The following MACROD2 variants were observed in gnomAD, a reference collection of about 807,000 sequenced individuals.
The protein encoded by MACROD2 is ADP-ribose glycohydrolase MACROD2.
Under a neutral mutation model 70.4 loss-of-function variants are expected in MACROD2, and 36 were observed. The observed-to-expected ratio is 0.51, with a 90% CI of 0.39 to 0.68. The LOEUF (loss-of-function observed/expected upper bound fraction) is 0.68. MACROD2 is among the 30% of genes least tolerant of loss of function. The pLI is 0.00. For missense variants in MACROD2, 496 were observed against 538.4 expected (o/e 0.92, Z 0.78); for synonymous variants, 172 against 178.8 (o/e 0.96, Z 0.30).
chr20:15,773,013 C>A (rs973012684), intron 8 of MACROD2, among the ~76,000 whole-genome samples: 4 of 152,040 alleles, frequency 2.6e-5, no homozygotes, highest in Non-Finnish European at 5.9e-5. Flanking sequence ...CAGAGACAGA[C>A]CATATCAGTG....
chr20:14,394,069 A>G (rs2083555051), intron 3 of MACROD2, among the ~76,000 whole-genome samples: 1 of 152,198 alleles, frequency 6.6e-6, no homozygotes, highest in Admixed American at 6.5e-5. Flanking sequence ...AAGTCAACCA[A>G]TCTATGATTT....
At chr20:14,447,447 T>C (rs1477021765) in intron 3 of MACROD2, among the ~76,000 whole-genome samples, 6 of 152,198 alleles carry the variant, frequency 3.9e-5, no homozygotes, top group Non-Finnish European at 8.8e-5. Flanking sequence ...TCTGCTGTTA[T>C]TTGCCACCTT....
At chr20:14,908,205 G>A (rs113953016) in intron 5 of MACROD2, among the ~76,000 whole-genome samples, 21,187 of 151,876 alleles carry the variant, frequency 0.14, 1,599 homozygotes, top group Middle Eastern at 0.24. Context: ...TTAGCTGGGC[G>A]TGGTGGGTGC....
intron 3 of MACROD2, among the ~76,000 whole-genome samples, chr20:14,331,629 A>G (rs2082843198): frequency 6.6e-6 from 1 of 152,132 alleles, no homozygotes; most frequent in South Asian, 2.1e-4. Flanking sequence ...CCTTAGGCTC[A>G]AAACAGTTCA....
intron 9 of MACROD2, among the ~76,000 whole-genome samples, chr20:15,863,091 A>G (rs2064447186): frequency 6.6e-6 from 1 of 152,090 alleles, no homozygotes; most frequent in Non-Finnish European, 1.5e-5. Context: ...GCTAATTATT[A>G]ATAAAAGATT....
intron 5 of MACROD2, among the ~76,000 whole-genome samples, chr20:14,977,150 T>G (rs1374868104): frequency 6.6e-6 from 1 of 152,092 alleles, no homozygotes; most frequent in Non-Finnish European, 1.5e-5. Flanking sequence ...CTGACATTAT[T>G]GTCAGGAAAA....
chr20:15,787,129 G>C (rs2051943281), intron 8 of MACROD2, among the ~76,000 whole-genome samples: 1 of 151,878 alleles, frequency 6.6e-6, no homozygotes, highest in African/African-American at 2.4e-5. Flanking sequence ...GCGCCACCAA[G>C]CCTGGCTCAT....
intron 8 of MACROD2, among the ~76,000 whole-genome samples, chr20:15,712,937 A>G (rs1270430687): frequency 1.4e-4 from 22 of 152,332 alleles, no homozygotes; most frequent in East Asian, 1.2e-3. Flanking sequence ...ATGCAGTGCA[A>G]CTAGGCTTCA....
At chr20:14,762,305 A>T (rs204101) in intron 5 of MACROD2, among the ~76,000 whole-genome samples, 151,923 of 152,224 alleles carry the variant, frequency 1, 75,813 homozygotes, top group Middle Eastern at 1. Context: ...TATACAAGCT[A>T]AGAAGACTTA....
chr20:14,459,527 G>GTAT (rs2084343831), intron 3 of MACROD2, among the ~76,000 whole-genome samples: 1 of 145,350 alleles, frequency 6.9e-6, no homozygotes, highest in African/African-American at 2.4e-5. Context: ...TATGTATGTA[G>GTAT]GTAGGTATCT....
intron 6 of MACROD2, among the ~76,000 whole-genome samples, chr20:15,263,213 T>C (rs1252478572): frequency 2.6e-5 from 4 of 152,112 alleles, no homozygotes; most frequent in Non-Finnish European, 5.9e-5. Flanking sequence ...GATTTGATTT[T>C]TGTTTACGGT....
chr20:14,654,046 G>A (rs1985832061), intron 4 of MACROD2, among the ~76,000 whole-genome samples: 1 of 152,018 alleles, frequency 6.6e-6, no homozygotes, highest in Admixed American at 6.6e-5. Context: ...TTGTCTCACA[G>A]TCTACTTCTA....
At chr20:14,819,721 TGACTAAGCTAAA>T (rs2072818289) in intron 5 of MACROD2, among the ~76,000 whole-genome samples, 1 of 152,168 alleles carries the variant, frequency 6.6e-6, no homozygotes, top group East Asian at 1.9e-4. Flanking sequence ...TAAAAGAGGA[TGACTAAGCTAAA>T]GTGGGAGTCA....
intron 6 of MACROD2, among the ~76,000 whole-genome samples, chr20:15,410,498 C>A (rs2046062215): frequency 6.6e-6 from 1 of 152,184 alleles, no homozygotes; most frequent in Non-Finnish European, 1.5e-5. Context: ...CTGCTCACAA[C>A]TTTCAGCTCC....
At chr20:15,188,898 A>G (rs1302244377) in intron 5 of MACROD2, among the ~76,000 whole-genome samples, 1 of 152,222 alleles carries the variant, frequency 6.6e-6, no homozygotes, top group Non-Finnish European at 1.5e-5. Flanking sequence ...AGCTAAAGTT[A>G]CATAAACCCT....
chr20:14,227,569 A>G (rs1349885944), intron 3 of MACROD2, among the ~76,000 whole-genome samples: 2 of 152,150 alleles, frequency 1.3e-5, no homozygotes, highest in Non-Finnish European at 2.9e-5. Flanking sequence ...AGAAGGAAGA[A>G]ACTCCGAACG....
intron 4 of MACROD2, chr20:14,631,869 A>C (rs1374565792): frequency 6.6e-6 from 1 of 152,206 alleles, no homozygotes; most frequent in Non-Finnish European, 1.5e-5. Flanking sequence ...TGCCATTGAC[A>C]ATCTTTGCTG....
At chr20:14,067,902 A>G (rs2053786418) in intron 2 of MACROD2, among the ~76,000 whole-genome samples, 1 of 152,212 alleles carries the variant, frequency 6.6e-6, no homozygotes, top group Non-Finnish European at 1.5e-5. Flanking sequence ...TTGTAAGACC[A>G]TGGGCAAGCT....
chr20:15,934,666 G>GT (rs899247415), intron 11 of MACROD2, among the ~76,000 whole-genome samples: 11 of 151,536 alleles, frequency 7.3e-5, no homozygotes, highest in Non-Finnish European at 1.3e-4. Context: ...GTCCCAAACT[G>GT]TTTTTTTTGT....
Sources: gnomAD v4.1 joint callset for allele counts (sites outside exome capture counted in the v4.1 genomes callset) on GRCh38, gnomAD v4.1.1 for gene constraint, MANE v1.5 for transcripts, NCBI Gene and HGNC (gene_info 2026-07-23, HGNC 2026-07-21) for gene names.